The following SRGAP3 variants were observed in gnomAD, a reference collection of about 807,000 sequenced individuals.
The protein encoded by SRGAP3 is SLIT-ROBO Rho GTPase activating protein 3.
In SRGAP3, 39 loss-of-function variants were observed where a neutral mutation model predicts 121.1. The ratio of observed to expected loss-of-function variants is 0.32; its 90% CI spans 0.25 to 0.42. The LOEUF is 0.42. SRGAP3 is among the 10% of genes least tolerant of loss of function. The probability of loss-of-function intolerance (pLI) is 1.00; values close to 1 mark genes in which losing one functional copy is unlikely to be tolerated. For missense variants in SRGAP3, 1,213 were observed against 1,470.6 expected (o/e 0.82, Z 2.86); for synonymous variants, 601 against 570.0 (o/e 1.05, Z -0.77).
At chr3:9,127,232 G>A (rs1205737894) in intron 1 of SRGAP3, among the ~76,000 whole-genome samples, 1 of 152,172 alleles carries the variant, frequency 6.6e-6, no homozygotes, top group East Asian at 1.9e-4. Context: ...AGCTACTCAG[G>A]AGGCTGAGGC....
At chr3:9,081,664 T>C (rs1947249925) in intron 3 of SRGAP3, among the ~76,000 whole-genome samples, 1 of 152,240 alleles carries the variant, frequency 6.6e-6, no homozygotes, top group Non-Finnish European at 1.5e-5. Flanking sequence ...GGAGGTATAG[T>C]CTGTAGTTTC....
chr3:8,985,680 G>C lies in SRGAP3; in HGVS notation c.3139C>G (p.Leu1047Val), dbSNP rs200111200. 1.9e-6 allele frequency: 3 copies of C among 1,595,714 alleles called. No homozygotes were observed. The highest frequency in any genetic ancestry group is 2.5e-6 in the Non-Finnish European group (3 of 1,178,562). ...TTFKPALSAR[L>V]AGAQLRPPPM... ...GGCGGGCGGAGCTGGGCGCCAGCCA[G>C]GCGGGCGGACAGGGCTGGCTTGAAG... The change falls in exon 22 of 22, where the codon CTG becomes GTG. Residue 1047 changes from leucine (L) to valine (V), a missense_variant. Coordinates refer to ENST00000383836, the MANE Select transcript of SRGAP3 (RefSeq NM_014850.4). The surrounding 1 kb of genome is among the most constrained non-coding windows in gnomAD (Gnocchi z 5.1).
chr3:9,350,903 C>T (rs1392820394), intron 1 of SRGAP3, among the ~76,000 whole-genome samples: 1 of 152,122 alleles, frequency 6.6e-6, no homozygotes, highest in African/African-American at 2.4e-5. Flanking sequence ...AGTAGTTTAC[C>T]ACAGTGATTT....
intron 5 of SRGAP3, among the ~76,000 whole-genome samples, chr3:9,064,091 G>A (rs1453620954): frequency 6.6e-6 from 1 of 152,192 alleles, no homozygotes; most frequent in Non-Finnish European, 1.5e-5. Flanking sequence ...CTGAGAAGGT[G>A]CTTGCTGGGT....
chr3:9,209,835 G>A (rs921945682), intron 1 of SRGAP3, among the ~76,000 whole-genome samples: 1 of 152,138 alleles, frequency 6.6e-6, no homozygotes, highest in Non-Finnish European at 1.5e-5. Flanking sequence ...ATAGAGATTT[G>A]CACATAAATG....
intron 3 of SRGAP3, among the ~76,000 whole-genome samples, chr3:9,299,077 A>AGAT (rs1260837227): frequency 1.4e-5 from 2 of 145,648 alleles, no homozygotes; most frequent in African/African-American, 5.0e-5. Context: ...AAAAGAAAAT[A>AGAT]GATGGCTGGG....
At chr3:9,139,787 G>C (rs769724064) in intron 1 of SRGAP3, among the ~76,000 whole-genome samples, 1 of 152,188 alleles carries the variant, frequency 6.6e-6, no homozygotes, top group Non-Finnish European at 1.5e-5. Context: ...ATAGAGTATC[G>C]TCTAAAAGGG....
chr3:9,073,610 G>C (rs1324252953), intron 4 of SRGAP3, among the ~76,000 whole-genome samples: 1 of 152,196 alleles, frequency 6.6e-6, no homozygotes, highest in African/African-American at 2.4e-5. Flanking sequence ...TCATCCCTAA[G>C]ACGGGCGTGG....
chr3:9,345,669 C>G, intron 1 of SRGAP3, among the ~76,000 whole-genome samples: 1 of 150,164 alleles, frequency 6.7e-6, no homozygotes, highest in East Asian at 2.0e-4. Context: ...ACCTGTAATC[C>G]CAGCTACCTG....
rs1952709955 is a variant in SRGAP3 at position 9,218,729 on chromosome 3, G to A, written c.67+30156C>T. Among the ~76,000 whole-genome samples the A allele has an allele frequency of 2.0e-5, 3 of 151,774 alleles. No individual in the cohort carries two copies. The highest frequency in any genetic ancestry group is 2.0e-4 in the Admixed American group (3 of 15,240). On this transcript the variant is annotated intron_variant, in intron 1 of 21. Coordinates refer to ENST00000383836, the MANE Select transcript of SRGAP3 (RefSeq NM_014850.4). The surrounding 1 kb of genome is among the most constrained non-coding windows in gnomAD (Gnocchi z 5.3). ...GTTGCCCAGGCTGGAGTGTAGTGTTGTAATCTCTGCTTGGCTCACTGCAAC... is the reference window on the plus strand; with the variant it reads ...GTTGCCCAGGCTGGAGTGTAGTGTTATAATCTCTGCTTGGCTCACTGCAAC...
chr3:9,255,824 C>T (rs1364645445), intron 3 of SRGAP3, among the ~76,000 whole-genome samples: 1 of 152,146 alleles, frequency 6.6e-6, no homozygotes, highest in Non-Finnish European at 1.5e-5. Flanking sequence ...AGCCTTGATA[C>T]TTATAAAGCA....
At chr3:9,278,500 GTAA>G (rs1216254474) in intron 3 of SRGAP3, among the ~76,000 whole-genome samples, 3 of 152,232 alleles carry the variant, frequency 2.0e-5, no homozygotes, top group Non-Finnish European at 2.9e-5. Flanking sequence ...TGTGTGTCTA[GTAA>G]TAATAATAAC....
intron 3 of SRGAP3, among the ~76,000 whole-genome samples, chr3:9,084,038 G>T (rs1947351238): frequency 6.6e-6 from 1 of 152,160 alleles, no homozygotes. Context: ...TTTGGTCAAT[G>T]CGATAGTATC....
At chr3:9,318,752 G>C (rs1191464511) in intron 3 of SRGAP3, among the ~76,000 whole-genome samples, 2 of 151,512 alleles carry the variant, frequency 1.3e-5, no homozygotes, top group African/African-American at 4.8e-5. Flanking sequence ...AGCAGCATGT[G>C]CCTGTAGTTG....
chr3:8,990,485 C>G, intron 21 of SRGAP3, 27 bp downstream of exon 21: 2 of 1,549,788 alleles, frequency 1.3e-6, no homozygotes, highest in Non-Finnish European at 1.7e-6. Context: ...TTTTGGCTGC[C>G]CAGCCTGCCT....
intron 2 of SRGAP3, among the ~76,000 whole-genome samples, chr3:9,111,758 G>A (rs1461188164): frequency 2.0e-5 from 3 of 152,142 alleles, no homozygotes; most frequent in Admixed American, 2.0e-4. Context: ...TTTGTCTTCT[G>A]CAGCCTCATT....
chr3:9,021,867 G>A (rs183084266), intron 14 of SRGAP3, among the ~76,000 whole-genome samples: 4 of 151,728 alleles, frequency 2.6e-5, no homozygotes, highest in Non-Finnish European at 4.4e-5. Context: ...AGGCGGGTGC[G>A]TCGCTTTGAG....
rs1944854399 is a variant in SRGAP3, at chr3:9,038,176, A to G, written c.1409-86T>C. 3 of 1,514,880 alleles carry G rather than the reference A, an allele frequency of 2.0e-6. No individual in the cohort carries two copies. The South Asian group carries it at 3.4e-5, about 17-fold the overall frequency. The allele number at this position is 1,514,880 out of a possible 1,614,324, so 93.8% of individuals were successfully genotyped here. A position where few individuals can be genotyped will look rare whatever the true frequency, so the allele number is the denominator to read the frequency against. On this transcript the variant is annotated intron_variant, in intron 10 of 21. Coordinates refer to ENST00000383836, the MANE Select transcript of SRGAP3 (RefSeq NM_014850.4). ...CATCTTTTTCTAAAAACAAAATACAATGAGTCTTAATTATTTATGAAATAT... is the reference window on the plus strand; with the variant it reads ...CATCTTTTTCTAAAAACAAAATACAGTGAGTCTTAATTATTTATGAAATAT...
At chr3:9,064,302 G>T (rs1047553803) in intron 5 of SRGAP3, 94 bp downstream of exon 5, 64 of 1,547,030 alleles carry the variant, frequency 4.1e-5, no homozygotes, top group Non-Finnish European at 5.4e-5. Context: ...GGATGCAGGG[G>T]AATAAGGGGG....
Sources: gnomAD v4.1 joint callset for allele counts (sites outside exome capture counted in the v4.1 genomes callset) on GRCh38, gnomAD v4.1.1 for gene constraint, Gnocchi (gnomAD v3.1) non-coding constraint, MANE v1.5 for transcripts, NCBI Gene and HGNC (gene_info 2026-07-23, HGNC 2026-07-21) for gene names.